PRUNE1: variants seen among roughly 807,000 people sequenced by gnomAD.
The protein encoded by PRUNE1 is prune exopolyphosphatase 1, also known as exopolyphosphatase PRUNE1.
PRUNE1 carries 25 observed loss-of-function variants against 42.5 expected under a neutral mutation model. The observed-to-expected ratio is 0.59, with a 90% confidence interval of 0.43 to 0.82. The LOEUF is 0.82. Ranked by LOEUF, PRUNE1 falls within the 40% of genes least tolerant of loss-of-function variation. The pLI is 0.00. For missense variants in PRUNE1, 443 were observed against 539.3 expected, an observed-to-expected ratio of 0.82 and a Z score of 1.77; for synonymous variants, 203 against 217.1, an observed-to-expected ratio of 0.93 and a Z score of 0.57.
intron 1 of PRUNE1, among the ~76,000 whole-genome samples, chr1:151,011,603 A>G (rs989188286): frequency 1.1e-4 from 16 of 152,026 alleles, no homozygotes; most frequent in African/African-American, 3.9e-4. Flanking sequence ...TTTCTCCCCC[A>G]TTAACTATTC....
chr1:151,019,556 C>CA (rs61399605), intron 3 of PRUNE1, among the ~76,000 whole-genome samples: 58,814 of 106,070 alleles, frequency 0.55, 14,701 homozygotes, highest in South Asian at 0.61. Flanking sequence ...GACCCTGTCT[C>CA]AAAAAAAAAA....
rs183087237 is a variant in PRUNE1, at chr1:151,008,992, A to T, written c.39+321A>T. The T allele has an allele frequency of 4.5e-3, 2,381 of 525,954 alleles. 69 individuals are homozygous for T. In the Admixed American group the frequency reaches 0.05, roughly 11 times the overall value. 32.6% of individuals were successfully genotyped at this position (525,954 alleles called of 1,614,324 possible). Reference sequence around the variant, plus strand: ...TCATCTTGGTCAGTTCCATCAAAAAAACCAGGACTGTGCCGCCGCCAGCCT... The same window carrying T: ...TCATCTTGGTCAGTTCCATCAAAAATACCAGGACTGTGCCGCCGCCAGCCT... On this transcript the variant is annotated intron_variant, in intron 1 of 7. Coordinates refer to ENST00000271620, the MANE Select transcript of PRUNE1 (RefSeq NM_021222.3).
At position 151,018,644 on chromosome 1, in the gene PRUNE1, C is replaced by T. The variant is rs1674242403; in HGVS notation, c.310C>T (p.Leu104Phe). Residue 104 changes from leucine to phenylalanine, a missense_variant, in exon 3 of 8, where the codon CTT (leucine) becomes TTT (phenylalanine). Coordinates refer to ENST00000271620, the MANE Select transcript of PRUNE1 (RefSeq NM_021222.3). ...LYQAGQLTLILVDHHILSKSD... is the reference protein window; with the variant it reads ...LYQAGQLTLIFVDHHILSKSD... ...CCAGGCTGGCCAACTCACCCTCATC[C>T]TTGTCGACCATCATATCTTATCCAA... 6.2e-7 allele frequency: 1 copy of T among 1,614,014 alleles called. No individual in the cohort carries two copies. Among genetic ancestry groups the T allele is most frequent in the Non-Finnish European group, 8.5e-7 (1 of 1,180,010 alleles).
At chr1:151,030,705 C>G (rs748406974) in intron 7 of PRUNE1, among the ~76,000 whole-genome samples, 1 of 152,062 alleles carries the variant, frequency 6.6e-6, no homozygotes, top group Admixed American at 6.6e-5. Context: ...AGGCAGGTCT[C>G]GAACTCCTGA....
At position 151,017,092 on chromosome 1, in the gene PRUNE1, CAA is replaced by C. The variant is rs34772866; in HGVS notation, c.40-703_40-702del. Among the ~76,000 whole-genome samples the C allele has an allele frequency of 7.1e-4, 54 of 76,088 alleles. 1 individual carries two copies. Among genetic ancestry groups the C allele is most frequent in the African/African-American group, 1.9e-3 (34 of 17,564 alleles). 49.9% of individuals were successfully genotyped at this position (76,088 alleles called of 152,430 possible). A position where few individuals can be genotyped will look rare whatever the true frequency, so the allele number is the denominator to read the frequency against. On this transcript the variant is annotated intron_variant, in intron 1 of 7. Coordinates refer to ENST00000271620, the MANE Select transcript of PRUNE1 (RefSeq NM_021222.3). ...TGAGAATCTGGTCAAAACTCCATCT[CAA>C]AAAAAAAAAAAAAAAAGTATAAGCA...
At chr1:151,015,570 G>A (rs1674057370) in intron 1 of PRUNE1, among the ~76,000 whole-genome samples, 1 of 149,156 alleles carries the variant, frequency 6.7e-6, no homozygotes, top group African/African-American at 2.5e-5. Context: ...GGAGGTGGAG[G>A]TTACAGTGAG....
At chr1:151,008,755 C>T in intron 1 of PRUNE1, 84 bp downstream of exon 1, 2 of 1,447,468 alleles carry the variant, frequency 1.4e-6, no homozygotes, top group Non-Finnish European at 9.7e-7. Flanking sequence ...GGAGCCTCGA[C>T]GGTCCGTGTG....
chr1:151,020,381 G>A (rs1674347144), intron 3 of PRUNE1, among the ~76,000 whole-genome samples: 1 of 151,758 alleles, frequency 6.6e-6, no homozygotes. Context: ...TTGAGCCTAG[G>A]AATTGAGGCT....
In PRUNE1 at chr1:151,034,384, A is replaced by G; in HGVS notation, c.*150A>G. The G allele has an allele frequency of 1.3e-6, 1 of 786,900 alleles. No individual in the cohort carries two copies. The highest frequency in any genetic ancestry group is 2.0e-6 in the Non-Finnish European group (1 of 507,498). 48.7% of individuals were successfully genotyped at this position (786,900 alleles called of 1,614,324 possible). On this transcript the variant is annotated 3_prime_UTR_variant, in exon 8 of 8. Coordinates refer to ENST00000271620, the MANE Select transcript of PRUNE1 (RefSeq NM_021222.3). ...AAACTGAGAGGAGAAAAAAAGTGAA[A>G]GAAAGCAGCTGCTTTAAGAATGGTT... is the stretch of plus-strand genomic sequence containing the variant.
At position 151,024,677 on chromosome 1, in the gene PRUNE1, C is replaced by G. The variant is rs1368958940; in HGVS notation, c.402C>G (p.His134Gln). The stretch of plus-strand genomic sequence containing the variant: ...ACCATCGACCCATCGAGCCGAAACA[C>G]TGCCCTCCCTGCCATGTTTCAGTTG... ...VLDHRPIEPK[H>Q]CPPCHVSVEL... The change falls in exon 4 of 8, where the codon CAC becomes CAG. Residue 134 changes from histidine to glutamine, a missense_variant. By Grantham distance (24) the His-to-Gln change is conservative. Coordinates refer to ENST00000271620, the MANE Select transcript of PRUNE1 (RefSeq NM_021222.3). 5.0e-6 allele frequency: 8 copies of G among 1,613,816 alleles called. No individual in the cohort carries two copies. The highest frequency in any genetic ancestry group is 6.8e-6 in the Non-Finnish European group (8 of 1,179,810).
intron 7 of PRUNE1, among the ~76,000 whole-genome samples, chr1:151,029,546 T>C (rs587610316): frequency 1.3e-5 from 2 of 151,672 alleles, no homozygotes; most frequent in South Asian, 4.2e-4. Context: ...TTTTTGTATT[T>C]TTAGTAGAGA....
At chr1:151,009,198 T>C (rs915268574) in intron 1 of PRUNE1, among the ~76,000 whole-genome samples, 29 of 152,260 alleles carry the variant, frequency 1.9e-4, no homozygotes, top group Admixed American at 1.8e-3. Context: ...ATTTCTAGGT[T>C]AGAAGTAGTC....
intron 5 of PRUNE1, among the ~76,000 whole-genome samples, chr1:151,026,696 A>G (rs959394910): frequency 3.9e-5 from 6 of 152,092 alleles, no homozygotes; most frequent in Admixed American, 3.9e-4. Flanking sequence ...AAGAACTCAC[A>G]TGTAAACAGT....
intron 1 of PRUNE1, among the ~76,000 whole-genome samples, chr1:151,014,133 C>T (rs1673952034): frequency 6.6e-6 from 1 of 152,182 alleles, no homozygotes; most frequent in Non-Finnish European, 1.5e-5. Flanking sequence ...GCACCCGCCA[C>T]CACGCCTGGC....
intron 3 of PRUNE1, among the ~76,000 whole-genome samples, chr1:151,019,548 C>A (rs1238231657): frequency 7.6e-6 from 1 of 131,302 alleles, no homozygotes; most frequent in Non-Finnish European, 1.7e-5. Context: ...CAGAGGGAGA[C>A]CCTGTCTCAA....
intron 6 of PRUNE1, 97 bp from the exon 7 acceptor site, chr1:151,028,689 C>A: frequency 7.6e-7 from 1 of 1,316,820 alleles, no homozygotes; most frequent in Non-Finnish European, 1.1e-6. Flanking sequence ...TCCCAAAGTG[C>A]TAGGATTATA....
chr1:151,024,548 A>T, intron 3 of PRUNE1, 63 bp from the exon 4 acceptor site: 1 of 1,469,980 alleles, frequency 6.8e-7, no homozygotes, highest in East Asian at 2.3e-5. Flanking sequence ...GAGGTTGGCT[A>T]GAAGCAGCTG....
chr1:151,029,217 A>C (rs1259463634), intron 7 of PRUNE1, among the ~76,000 whole-genome samples: 1 of 151,788 alleles, frequency 6.6e-6, no homozygotes, highest in Non-Finnish European at 1.5e-5. Context: ...TAGAGATTCA[A>C]TTCCTACTTT....
Position 151,008,603 on chromosome 1 carries a change from CA to C in PRUNE1, c.-29del. 6.2e-7 allele frequency: 1 copy of C among 1,614,018 alleles called. No individual in the cohort carries two copies. Among genetic ancestry groups the C allele is most frequent in the Non-Finnish European group, 8.5e-7 (1 of 1,179,908 alleles). On this transcript the variant is annotated 5_prime_UTR_variant, in exon 1 of 8. Transcript: ENST00000271620. ...TCGACCAGGGGCACCTCTACTCGAC[CA>C]GGGGCGACGGCGTACTTTGGGCTTC... is the stretch of plus-strand genomic sequence containing the variant.
Sources: allele counts gnomAD v4.1 joint callset (sites outside exome capture counted in the v4.1 genomes callset), GRCh38; gene constraint gnomAD v4.1.1; transcripts MANE v1.5; gene names NCBI Gene and HGNC (gene_info 2026-07-23, HGNC 2026-07-21).